IGSF10: variants seen among roughly 807,000 people sequenced by gnomAD.
IGSF10 encodes immunoglobulin superfamily member 10.
Under a neutral mutation model 128.2 loss-of-function variants are expected in IGSF10, and 126 were observed. That is an observed-to-expected ratio of 0.98 (90% CI 0.85 to 1.14). The LOEUF is 1.14. Among genes scored for constraint, IGSF10 ranks in the 50% most tolerant of loss-of-function variants. The pLI is 0.00. For synonymous variants in IGSF10, 1,185 were observed against 1,146.2 expected, an observed-to-expected ratio of 1.03 and a Z score of -0.68; for missense variants, 3,295 against 3,149.8, an observed-to-expected ratio of 1.05 and a Z score of -1.10.
the IGSF10 span, among the ~76,000 whole-genome samples, chr3:151,548,146 G>T: frequency 6.6e-6 from 1 of 152,158 alleles, no homozygotes; most frequent in Non-Finnish European, 1.5e-5. Flanking sequence ...AAAAGAAGCA[G>T]TATGCCTTTT....
At chr3:151,535,667 C>CAT in the IGSF10 span, among the ~76,000 whole-genome samples, 6 of 152,040 alleles carry the variant, frequency 3.9e-5, no homozygotes, top group East Asian at 1.2e-3. Context: ...CAATAAATTA[C>CAT]ATATATATAA....
the IGSF10 span, among the ~76,000 whole-genome samples, chr3:151,563,496 T>C: frequency 6.6e-6 from 1 of 152,106 alleles, no homozygotes; most frequent in Non-Finnish European, 1.5e-5. Flanking sequence ...AATAACACGT[T>C]TATGGATATA....
chr3:151,438,152 T>C lies in IGSF10; in HGVS notation c.6409A>G (p.Ile2137Val), dbSNP rs370949912. ...KDEMKVHLTV[I>V]TAAPRIRQSN... ...TGCCTTATCCGGGGAGCAGCTGTTA[T>C]AACTGTTAAGTGGACCTTCATTTCA... The change falls in exon 8 of 8, where the codon ATA becomes GTA. Residue 2137 changes from isoleucine to valine, a missense_variant. Ile to Val is a conservative substitution (Grantham distance 29, BLOSUM62 3). Coordinates refer to ENST00000282466, the MANE Select transcript of IGSF10 (RefSeq NM_178822.5). 4.7e-5 allele frequency: 76 copies of C among 1,614,204 alleles called. No homozygotes were observed. Among genetic ancestry groups the C allele is most frequent in the African/African-American group, 3.6e-4 (27 of 75,052 alleles).
the IGSF10 span, among the ~76,000 whole-genome samples, chr3:151,522,988 T>C: frequency 6.6e-6 from 1 of 151,656 alleles, no homozygotes; most frequent in Admixed American, 6.6e-5. Context: ...AGTAAATCAA[T>C]GTACAAAAAT....
At chr3:151,460,197 G>T (rs1382039109) in intron 2 of IGSF10, 64 bp downstream of exon 2, 1 of 373,530 alleles carries the variant, frequency 2.7e-6, no homozygotes, top group Non-Finnish European at 3.7e-6. Flanking sequence ...GACAACACAT[G>T]AATAAGGGAT....
At chr3:151,579,958 A>G in the IGSF10 span, among the ~76,000 whole-genome samples, 1 of 151,948 alleles carries the variant, frequency 6.6e-6, no homozygotes, top group Non-Finnish European at 1.5e-5. Flanking sequence ...AAAACCAAAG[A>G]TAAAGATAAA....
chr3:151,446,929 C>T lies in IGSF10; in HGVS notation c.3052G>A (p.Gly1018Arg), dbSNP rs372539492. ...TATGGGCTGATAATCCGCCCCCTTCCGCCAATTTTCCTCTGCCTCCCAAAG... is the reference window on the plus strand; with the variant it reads ...TATGGGCTGATAATCCGCCCCCTTCTGCCAATTTTCCTCTGCCTCCCAAAG... ...RRFGRQRKIG[G>R]RGRIISPYRT... The change falls in exon 6 of 8, where the codon GGA becomes AGA. Residue 1018 changes from glycine to arginine, a missense_variant. Physicochemically the swap from Gly to Arg is moderately radical, Grantham distance 125 (BLOSUM62 -2). Transcript: ENST00000282466. The T allele has an allele frequency of 6.3e-5, 101 of 1,614,160 alleles. No homozygotes were observed. Among genetic ancestry groups the T allele is most frequent in the South Asian group, 2.0e-4 (18 of 91,086 alleles).
downstream of IGSF10, chr3:151,435,752 A>G (rs1328445579): frequency 1.3e-5 from 2 of 152,202 alleles, no homozygotes; most frequent in Non-Finnish European, 2.9e-5. Flanking sequence ...TTAAGCATGT[A>G]ATATAAATTC....
chr3:151,443,241 C>A lies in IGSF10; in HGVS notation c.5706G>T (p.Leu1902Phe). The change falls in exon 7 of 8, where the codon TTG (leucine) becomes TTT (phenylalanine). Residue 1902 changes from leucine to phenylalanine, a missense_variant. Coordinates refer to ENST00000282466, the MANE Select transcript of IGSF10 (RefSeq NM_178822.5). ...SKLFLFSNGT[L>F]YIRNLASSDR... ...CTGAAGAGGCTAGGTTTCTTATATA[C>A]AAAGTCCCATTTGAAAATAAGAACA... is the stretch of plus-strand genomic sequence containing the variant. 6.2e-7 allele frequency: 1 copy of A among 1,612,124 alleles called. No homozygotes were observed. Among genetic ancestry groups the A allele is most frequent in the African/African-American group, 1.3e-5 (1 of 74,852 alleles).
chr3:151,550,638 C>T, the IGSF10 span, among the ~76,000 whole-genome samples: 1 of 152,008 alleles, frequency 6.6e-6, no homozygotes, highest in African/African-American at 2.4e-5. Context: ...ATTTAGAGAC[C>T]TGATTTTTAA....
At position 151,447,427 on chromosome 3, in the gene IGSF10, G is replaced by A. The variant is rs1203318066; in HGVS notation, c.2554C>T (p.Pro852Ser). 2 of 1,614,036 alleles carry A rather than the reference G, an allele frequency of 1.2e-6. No homozygotes were observed. The highest frequency in any genetic ancestry group is 1.1e-5 in the South Asian group (1 of 91,082). Residue 852 changes from proline to serine, a missense_variant, in exon 6 of 8, where the codon CCA becomes TCA. Physicochemically the swap from Pro to Ser is moderately conservative, Grantham distance 74. Transcript: ENST00000282466. ...FSPVVNSQIL[P>S]PEEPTDFKLS... is the part of the protein sequence containing the mutation. ...TTGAAATCTGTGGGTTCTTCAGGTG[G>A]TAGTATTTGTGAATTCACAACAGGA...
the IGSF10 span, among the ~76,000 whole-genome samples, chr3:151,507,577 C>T: frequency 2.0e-5 from 3 of 152,136 alleles, no homozygotes; most frequent in East Asian, 1.9e-4. Context: ...AACTTACAAT[C>T]GTGGCAGAAG....
the IGSF10 span, among the ~76,000 whole-genome samples, chr3:151,585,307 A>G: frequency 6.6e-6 from 1 of 152,184 alleles, no homozygotes; most frequent in African/African-American, 2.4e-5. Flanking sequence ...ACTCTTTCTA[A>G]TGTCACTACT....
the IGSF10 span, among the ~76,000 whole-genome samples, chr3:151,611,114 T>C: frequency 2.0e-5 from 3 of 152,190 alleles, no homozygotes; most frequent in East Asian, 5.8e-4. Flanking sequence ...TGTTGTTGGA[T>C]TGTTATAAAT....
the IGSF10 span, among the ~76,000 whole-genome samples, chr3:151,570,800 G>C: frequency 6.6e-6 from 1 of 152,142 alleles, no homozygotes; most frequent in Admixed American, 6.5e-5. Flanking sequence ...TAGTCATTGA[G>C]TCCTTGCCCA....
chr3:151,608,414 A>G, the IGSF10 span, among the ~76,000 whole-genome samples: 66 of 152,328 alleles, frequency 4.3e-4, no homozygotes, highest in African/African-American at 1.6e-3. Flanking sequence ...AGGACTCACA[A>G]AAAAGGACTC....
chr3:151,483,033 T>A, the IGSF10 span, among the ~76,000 whole-genome samples: 1 of 152,116 alleles, frequency 6.6e-6, no homozygotes, highest in African/African-American at 2.4e-5. Flanking sequence ...TCCCACTTTA[T>A]AAGAAATGCT....
chr3:151,590,123 C>CT, the IGSF10 span, among the ~76,000 whole-genome samples: 2 of 152,104 alleles, frequency 1.3e-5, no homozygotes, highest in Admixed American at 1.3e-4. Flanking sequence ...ACTGCAGCCT[C>CT]TATCTTCTGG....
chr3:151,527,888 G>A, the IGSF10 span, among the ~76,000 whole-genome samples: 77 of 152,152 alleles, frequency 5.1e-4, no homozygotes, highest in Middle Eastern at 3.4e-3. Flanking sequence ...GGGAGGTCAA[G>A]GCTACAGTGA....
Sources: gnomAD v4.1 joint callset for allele counts (sites outside exome capture counted in the v4.1 genomes callset) on GRCh38, gnomAD v4.1.1 for gene constraint, MANE v1.5 for transcripts, NCBI Gene and HGNC (gene_info 2026-07-23, HGNC 2026-07-21) for gene names.